The following DLGAP1 variants were observed in gnomAD, a reference collection of about 807,000 sequenced individuals.
The protein encoded by DLGAP1 is DLG associated protein 1, also known as disks large-associated protein 1.
Under a neutral mutation model 90.8 loss-of-function variants are expected in DLGAP1, and 11 were observed. The ratio of observed to expected loss-of-function variants is 0.12; its 90% CI spans 0.08 to 0.20. The LOEUF (loss-of-function observed/expected upper bound fraction) is 0.20, where lower values mean the gene tolerates loss of function less well. Ranked by LOEUF, DLGAP1 falls within the 10% of genes least tolerant of loss-of-function variation. DLGAP1 has a pLI of 1.00. For synonymous variants in DLGAP1, 558 were observed against 540.7 expected (o/e 1.03, Z -0.44); for missense variants, 1,050 against 1,333.8 (o/e 0.79, Z 3.31).
intron 7 of DLGAP1, among the ~76,000 whole-genome samples, chr18:3,683,455 T>G (rs746992350): frequency 4.6e-5 from 7 of 152,232 alleles, no homozygotes; most frequent in Non-Finnish European, 8.8e-5. Context: ...AAGATTAGAC[T>G]TAGAAAGCCT....
intron 3 of DLGAP1, among the ~76,000 whole-genome samples, chr18:3,891,768 A>G (rs1361238837): frequency 6.6e-6 from 1 of 152,096 alleles, no homozygotes; most frequent in African/African-American, 2.4e-5. Flanking sequence ...TATATTTAGT[A>G]ATTTTTAAAT....
chr18:3,589,824 T>A (rs1040625614), intron 7 of DLGAP1, among the ~76,000 whole-genome samples: 1 of 152,208 alleles, frequency 6.6e-6, no homozygotes, highest in East Asian at 1.9e-4. Flanking sequence ...GCTGCCTTGG[T>A]CCACTGTCTA....
At chr18:3,908,887 G>A (rs946637133) in intron 3 of DLGAP1, among the ~76,000 whole-genome samples, 3 of 152,120 alleles carry the variant, frequency 2.0e-5, no homozygotes, top group Non-Finnish European at 4.4e-5. Flanking sequence ...GCATATTTCA[G>A]TCTGTAAAAT....
At chr18:4,138,110 G>T (rs1380265067) in intron 2 of DLGAP1, among the ~76,000 whole-genome samples, 1 of 151,844 alleles carries the variant, frequency 6.6e-6, no homozygotes, top group African/African-American at 2.4e-5. Flanking sequence ...TCCTTCTCTT[G>T]TCTGACTGCT....
At chr18:4,400,065 C>T (rs2082520775) in intron 1 of DLGAP1, among the ~76,000 whole-genome samples, 1 of 151,888 alleles carries the variant, frequency 6.6e-6, no homozygotes, top group Non-Finnish European at 1.5e-5. Context: ...CAGCTTCCTG[C>T]ACCACATGTT....
At chr18:4,306,660 C>G (rs2080272246) in intron 1 of DLGAP1, among the ~76,000 whole-genome samples, 1 of 152,064 alleles carries the variant, frequency 6.6e-6, no homozygotes, top group Non-Finnish European at 1.5e-5. Flanking sequence ...TAATAAGTTT[C>G]CCAAATGATA....
intron 7 of DLGAP1, among the ~76,000 whole-genome samples, chr18:3,679,002 A>C (rs1447148208): frequency 6.6e-6 from 1 of 152,108 alleles, no homozygotes; most frequent in Non-Finnish European, 1.5e-5. Context: ...AAACCAGTTA[A>C]TTAATTATTT....
At chr18:3,709,439 T>C (rs2061534724) in intron 7 of DLGAP1, among the ~76,000 whole-genome samples, 1 of 152,204 alleles carries the variant, frequency 6.6e-6, no homozygotes, top group Non-Finnish European at 1.5e-5. Context: ...AGCTGAACTG[T>C]TAGCATGTTT....
chr18:3,900,097 T>C lies in DLGAP1; in HGVS notation c.-72-19957A>G, dbSNP rs116139049. ...ATGAACTCTGCAAAAAGGATTGGAA[T>C]CCAGTGGCAGGTAGATAAGCTGTAA... On this transcript the variant is annotated intron_variant, in intron 3 of 12. Transcript: ENST00000315677. 2.9e-3 allele frequency among the ~76,000 whole-genome samples: 441 copies of C among 152,292 alleles called. 2 individuals are homozygous for C. Among genetic ancestry groups the C allele is most frequent in the African/African-American group, 0.01 (420 of 41,540 alleles).
At chr18:4,143,017 C>G (rs1444818651) in intron 2 of DLGAP1, among the ~76,000 whole-genome samples, 1 of 152,184 alleles carries the variant, frequency 6.6e-6, no homozygotes, top group African/African-American at 2.4e-5. Flanking sequence ...AGAGGTGACA[C>G]AAGCTCACCT....
chr18:3,645,404 T>C (rs1180836117), intron 7 of DLGAP1, among the ~76,000 whole-genome samples: 1 of 152,222 alleles, frequency 6.6e-6, no homozygotes, highest in Non-Finnish European at 1.5e-5. Flanking sequence ...TGGCTATGTA[T>C]TGCCTGTAGG....
intron 5 of DLGAP1, among the ~76,000 whole-genome samples, chr18:3,766,424 A>C (rs962669675): frequency 2.6e-5 from 4 of 152,176 alleles, no homozygotes; most frequent in African/African-American, 7.2e-5. Context: ...AGAACTAGAC[A>C]GAAAATCAGC....
At chr18:3,674,082 T>C (rs2146788102) in intron 7 of DLGAP1, among the ~76,000 whole-genome samples, 1 of 152,008 alleles carries the variant, frequency 6.6e-6, no homozygotes, top group Non-Finnish European at 1.5e-5. Flanking sequence ...CCCTAAGTTA[T>C]CCACCTGCCT....
chr18:4,324,221 G>A (rs1190656737), intron 1 of DLGAP1, among the ~76,000 whole-genome samples: 1 of 151,406 alleles, frequency 6.6e-6, no homozygotes, highest in Non-Finnish European at 1.5e-5. Flanking sequence ...CCAACAATCA[G>A]AGACTACTAT....
chr18:4,032,724 G>T (rs1470228), intron 2 of DLGAP1, among the ~76,000 whole-genome samples: 5 of 152,172 alleles, frequency 3.3e-5, no homozygotes, highest in African/African-American at 4.8e-5. Context: ...TTAGGGGCTA[G>T]TAGGAAGGTT....
chr18:3,649,787 G>A (rs190457663), intron 7 of DLGAP1, among the ~76,000 whole-genome samples: 1 of 149,582 alleles, frequency 6.7e-6, no homozygotes, highest in East Asian at 1.9e-4. Flanking sequence ...GAGGGGAAAA[G>A]ATAAACTTAA....
chr18:3,671,556 G>C (rs2060090009), intron 7 of DLGAP1, among the ~76,000 whole-genome samples: 1 of 152,178 alleles, frequency 6.6e-6, no homozygotes, highest in African/African-American at 2.4e-5. Flanking sequence ...CTGCACTTGA[G>C]CAGAAATGTC....
intron 9 of DLGAP1, among the ~76,000 whole-genome samples, chr18:3,564,492 A>G (rs1475700864): frequency 6.6e-6 from 1 of 152,198 alleles, no homozygotes; most frequent in East Asian, 1.9e-4. Flanking sequence ...TGCTGCGTGC[A>G]GGCCCTGTGA....
At chr18:3,877,895 G>T (rs528707860) in intron 4 of DLGAP1, among the ~76,000 whole-genome samples, 2 of 152,320 alleles carry the variant, frequency 1.3e-5, no homozygotes, top group African/African-American at 4.8e-5. Flanking sequence ...CCACATAATT[G>T]TGTGTCGTGT....
Sources: allele counts gnomAD v4.1 joint callset (sites outside exome capture counted in the v4.1 genomes callset), GRCh38; gene constraint gnomAD v4.1.1; transcripts MANE v1.5; gene names NCBI Gene and HGNC (gene_info 2026-07-23, HGNC 2026-07-21).